The following TCF7L2 variants were observed in gnomAD, a reference collection of about 807,000 sequenced individuals.
TCF7L2 encodes transcription factor 7-like 2.
TCF7L2 carries 23 observed loss-of-function variants against 77.9 expected under a neutral mutation model. The ratio of observed to expected loss-of-function variants is 0.30; its 90% CI spans 0.21 to 0.42. The LOEUF (loss-of-function observed/expected upper bound fraction) is 0.42, where lower values mean the gene tolerates loss of function less well. TCF7L2 is among the 10% of genes least tolerant of loss of function. The pLI, the probability that TCF7L2 is intolerant of heterozygous loss-of-function variation, is 1.00. For missense variants in TCF7L2, 654 were observed against 793.1 expected, an observed-to-expected ratio of 0.82 and a Z score of 2.11; for synonymous variants, 413 against 340.2, an observed-to-expected ratio of 1.21 and a Z score of -2.36.
Position 112,954,972 on chromosome 10 carries a change from C to T in TCF7L2, c.381+3365C>T, listed in dbSNP as rs984552183. ...GGGATTTTATTTAGCCGGGCAACTT[C>T]TCTTTCTGGCTTGTGAAAAATGGAC... On this transcript the variant is annotated intron_variant, in intron 3 of 13. Transcript: ENST00000627217. 4.6e-5 allele frequency among the ~76,000 whole-genome samples: 7 copies of T among 152,282 alleles called. No individual in the cohort carries two copies. The South Asian group carries it at 1.5e-3, about 32-fold the overall frequency.
chr10:113,079,768 G>A (rs73360250), intron 5 of TCF7L2, among the ~76,000 whole-genome samples: 11 of 151,798 alleles, frequency 7.2e-5, no homozygotes, highest in Non-Finnish European at 1.2e-4. Flanking sequence ...AGCGATTTTC[G>A]TGCCTCAGTT....
chr10:113,147,374 T>G (rs1255151291), intron 8 of TCF7L2, among the ~76,000 whole-genome samples: 1 of 152,200 alleles, frequency 6.6e-6, no homozygotes, highest in African/African-American at 2.4e-5. Flanking sequence ...GATAGAGAGT[T>G]ACATTCATTA....
intron 4 of TCF7L2, among the ~76,000 whole-genome samples, chr10:112,993,437 T>G (rs531630599): frequency 2.7e-5 from 4 of 146,870 alleles, no homozygotes; most frequent in African/African-American, 1.0e-4. Flanking sequence ...ACCCAGGAGG[T>G]AGAAGTTGCA....
At chr10:113,004,278 A>G (rs909122608) in intron 4 of TCF7L2, among the ~76,000 whole-genome samples, 1 of 152,102 alleles carries the variant, frequency 6.6e-6, no homozygotes, top group Non-Finnish European at 1.5e-5. Flanking sequence ...AGTAGGATGG[A>G]TTTGAAGCCA....
chr10:112,992,826 C>T (rs7911250), intron 4 of TCF7L2, among the ~76,000 whole-genome samples: 11,283 of 151,716 alleles, frequency 0.074, 476 homozygotes, highest in African/African-American at 0.12. Flanking sequence ...TGCAGTGGCA[C>T]GATCTCGGCT....
intron 4 of TCF7L2, among the ~76,000 whole-genome samples, chr10:112,991,975 A>G (rs893306446): frequency 1.3e-5 from 2 of 152,228 alleles, no homozygotes; most frequent in African/African-American, 4.8e-5. Context: ...CAGGCTGCAT[A>G]TAGACCTCAG....
chr10:113,158,068 T>C lies in TCF7L2; in HGVS notation c.1317T>C (p.Asn439=), dbSNP rs146352267. Residue 439 remains asparagine, a splice_region_variant and synonymous_variant, in exon 12 of 14, where the codon AAT becomes AAC. Coordinates refer to ENST00000627217, the MANE Select transcript of TCF7L2 (RefSeq NM_001146274.2). ...GGGACAAGCAGCCGGGAGAGACCAA[T>C]GGTAAGTGACAATCATCAGGTTAGA... The C allele has an allele frequency of 3.1e-5, 49 of 1,596,990 alleles. No individual in the cohort carries two copies. The highest frequency in any genetic ancestry group is 4.1e-5 in the Non-Finnish European group (48 of 1,170,966).
chr10:113,059,755 G>A lies in TCF7L2; in HGVS notation c.552+19629G>A, dbSNP rs146587646. Among the ~76,000 whole-genome samples, 455 of 152,166 alleles carry A rather than the reference G, an allele frequency of 3.0e-3. 4 individuals are homozygous for A. Among genetic ancestry groups the A allele is most frequent in the African/African-American group, 0.01 (417 of 41,514 alleles). On this transcript the variant is annotated intron_variant, in intron 5 of 13. Coordinates refer to ENST00000627217, the MANE Select transcript of TCF7L2 (RefSeq NM_001146274.2). Reference sequence around the variant, plus strand: ...ACTGTTTACTGCCCAAAGCTGGCTCGGAAATTGCTTGGAGAAGGGGAGAAA... The same window carrying A: ...ACTGTTTACTGCCCAAAGCTGGCTCAGAAATTGCTTGGAGAAGGGGAGAAA...
intron 6 of TCF7L2, among the ~76,000 whole-genome samples, chr10:113,143,195 T>C (rs2068696850): frequency 6.6e-6 from 1 of 152,278 alleles, no homozygotes; most frequent in Admixed American, 6.5e-5. Flanking sequence ...TCCGCTCATG[T>C]GTGCCTTGTG....
At chr10:112,956,170 C>T (rs1357489215) in intron 3 of TCF7L2, among the ~76,000 whole-genome samples, 1 of 151,908 alleles carries the variant, frequency 6.6e-6, no homozygotes, top group Non-Finnish European at 1.5e-5. Flanking sequence ...GTTTCTGGAC[C>T]ATGACTAAAA....
chr10:112,994,494 C>T (rs1359561072), intron 4 of TCF7L2, among the ~76,000 whole-genome samples: 1 of 152,080 alleles, frequency 6.6e-6, no homozygotes, highest in African/African-American at 2.4e-5. Flanking sequence ...TTATGAGTAA[C>T]ACTACTATGA....
intron 5 of TCF7L2, among the ~76,000 whole-genome samples, chr10:113,073,764 T>G (rs1253179239): frequency 6.6e-6 from 1 of 151,976 alleles, no homozygotes; most frequent in African/African-American, 2.4e-5. Flanking sequence ...GATCTCCTTT[T>G]TTATTTGCTT....
chr10:113,128,080 A>G (rs556287953), intron 5 of TCF7L2, among the ~76,000 whole-genome samples: 1 of 152,068 alleles, frequency 6.6e-6, no homozygotes, highest in African/African-American at 2.4e-5. Flanking sequence ...GTCCGCGTGA[A>G]TAGAGGGAGA....
intron 3 of TCF7L2, among the ~76,000 whole-genome samples, chr10:112,960,904 G>A (rs1356569435): frequency 3.3e-5 from 5 of 152,072 alleles, no homozygotes; most frequent in African/African-American, 1.2e-4. Context: ...TCTTGGCCAG[G>A]CTGGTCTGGA....
intron 5 of TCF7L2, among the ~76,000 whole-genome samples, chr10:113,087,003 CAAGAAAAAAAAAAGGGCA>C (rs1054532131): frequency 1.5e-4 from 23 of 148,406 alleles, no homozygotes; most frequent in African/African-American, 5.5e-4. Flanking sequence ...CACACACACA[CAAGAAAAAAAAAAGGGCA>C]ATAAGTGTAG....
At chr10:113,024,399 G>A (rs185548574) in intron 4 of TCF7L2, among the ~76,000 whole-genome samples, 50 of 152,208 alleles carry the variant, frequency 3.3e-4, no homozygotes, top group African/African-American at 1.2e-3. Flanking sequence ...TACATCATGG[G>A]AGTGAGTTTG....
intron 5 of TCF7L2, among the ~76,000 whole-genome samples, chr10:113,043,374 C>T (rs1774180369): frequency 6.6e-6 from 1 of 152,206 alleles, no homozygotes; most frequent in Non-Finnish European, 1.5e-5. Flanking sequence ...TGGAGGTCAA[C>T]TTATCAAATG....
intron 13 of TCF7L2, chr10:113,161,705 G>A (rs749688779): frequency 1.1e-5 from 15 of 1,309,536 alleles, no homozygotes; most frequent in African/African-American, 4.4e-5. Flanking sequence ...GTGTTTAGAC[G>A]TTAGATCAGA....
At chr10:113,106,899 G>C (rs1236428860) in intron 5 of TCF7L2, among the ~76,000 whole-genome samples, 2 of 152,236 alleles carry the variant, frequency 1.3e-5, no homozygotes, top group African/African-American at 4.8e-5. Flanking sequence ...CCAACACTAT[G>C]TGAGAAAACT....
Sources: allele counts gnomAD v4.1 joint callset (sites outside exome capture counted in the v4.1 genomes callset), GRCh38; gene constraint gnomAD v4.1.1; transcripts MANE v1.5; gene names NCBI Gene and HGNC (gene_info 2026-07-23, HGNC 2026-07-21).